VPS13C: variants seen among roughly 807,000 people sequenced by gnomAD.
VPS13C encodes the protein vacuolar protein sorting 13 homolog C.
Under a neutral mutation model 456.8 loss-of-function variants are expected in VPS13C, and 358 were observed. That is an observed-to-expected ratio of 0.78 (90% CI 0.72 to 0.86). The LOEUF (loss-of-function observed/expected upper bound fraction) is 0.86, where lower values mean the gene tolerates loss of function less well. Ranked by LOEUF, VPS13C falls within the 40% of genes least tolerant of loss-of-function variation. The probability of loss-of-function intolerance (pLI) is 0.00; values close to 1 mark genes in which losing one functional copy is unlikely to be tolerated. For missense variants in VPS13C, 4,818 were observed against 4,385.4 expected, an observed-to-expected ratio of 1.10 and a Z score of -2.79; for synonymous variants, 1,578 against 1,486.7, an observed-to-expected ratio of 1.06 and a Z score of -1.41.
intron 9 of VPS13C, among the ~76,000 whole-genome samples, chr15:62,015,960 C>CAA (rs67786303): frequency 2.2e-4 from 16 of 72,412 alleles, no homozygotes; most frequent in African/African-American, 5.9e-4. Context: ...AAAAGAAGTC[C>CAA]AAAAAAAAAA....
chr15:61,917,888 T>A (rs1327723206), intron 59 of VPS13C, among the ~76,000 whole-genome samples: 1 of 151,916 alleles, frequency 6.6e-6, no homozygotes, highest in Non-Finnish European at 1.5e-5. Context: ...CTTAAAAAAA[T>A]TTTCATTTCA....
At chr15:61,943,086 G>C (rs1288656056) in intron 45 of VPS13C, among the ~76,000 whole-genome samples, 1 of 152,060 alleles carries the variant, frequency 6.6e-6, no homozygotes, top group Non-Finnish European at 1.5e-5. Flanking sequence ...TTTACAAAGA[G>C]AACTAGGAAA....
intron 66 of VPS13C, among the ~76,000 whole-genome samples, chr15:61,890,828 T>C (rs886406089): frequency 6.6e-6 from 1 of 152,070 alleles, no homozygotes; most frequent in Non-Finnish European, 1.5e-5. Context: ...GGGCAAATCA[T>C]CTGAGGTCAG....
At chr15:62,039,182 C>T (rs770120713) in intron 3 of VPS13C, among the ~76,000 whole-genome samples, 1 of 152,106 alleles carries the variant, frequency 6.6e-6, no homozygotes, top group Non-Finnish European at 1.5e-5. Flanking sequence ...CACAACCAAA[C>T]TAAGTGTCCA....
chr15:62,051,916 C>T (rs1240526749), intron 1 of VPS13C, among the ~76,000 whole-genome samples: 1 of 152,266 alleles, frequency 6.6e-6, no homozygotes, highest in Middle Eastern at 3.4e-3. Context: ...TGATTTAGAA[C>T]TATTTGGGAC....
At position 61,915,766 on chromosome 15, in the gene VPS13C, G is replaced by C; in HGVS notation, c.8312C>G (p.Pro2771Arg). Residue 2771 changes from proline (P) to arginine (R), a missense_variant, in exon 61 of 85, where the codon CCC (proline) becomes CGC (arginine). Transcript: ENST00000644861. ...GGTAGTCTTGTTGATTAACCAATAG[G>C]GACTAAAGACAGACAGCACCATCCG... ...GSRMVLSVFS[P>R]YWLINKTTRV... 2 of 1,614,064 alleles carry C rather than the reference G, an allele frequency of 1.2e-6. No individual in the cohort carries two copies. The highest frequency in any genetic ancestry group is 2.2e-5 in the South Asian group (2 of 91,068).
chr15:62,003,118 C>T (rs542076086), intron 15 of VPS13C, among the ~76,000 whole-genome samples: 339 of 152,198 alleles, frequency 2.2e-3, no homozygotes, highest in African/African-American at 8.0e-3. Context: ...GCAGTATGGC[C>T]ATTTTCATGA....
chr15:61,915,743 T>C lies in VPS13C; in HGVS notation c.8335A>G (p.Thr2779Ala), dbSNP rs1278823592. Residue 2779 changes from threonine to alanine, a missense_variant, in exon 61 of 85, where the codon ACC (threonine) becomes GCC (alanine). Transcript: ENST00000644861. ...TCTGAACGATACTGGAGAACCCGGG[T>C]AGTCTTGTTGATTAACCAATAGGGA... is the stretch of plus-strand genomic sequence containing the variant. Reference protein sequence around the residue: ...FSPYWLINKTTRVLQYRSEDI... With the variant: ...FSPYWLINKTARVLQYRSEDI... 7.4e-6 allele frequency: 12 copies of C among 1,613,980 alleles called. No homozygotes were observed. The highest frequency in any genetic ancestry group is 1.0e-5 in the Non-Finnish European group (12 of 1,180,012).
In VPS13C at chr15:61,885,802, C is replaced by G. The variant is rs548951759; in HGVS notation, c.9342-1533G>C. Among the ~76,000 whole-genome samples, 11 of 152,162 alleles carry G rather than the reference C, an allele frequency of 7.2e-5. No homozygotes were observed. The South Asian group carries it at 2.3e-3, about 32-fold the overall frequency. ...TTCAGGTTGTACTGAATTAGTATTTCTTTCGCTGGTTTGAAAATATTCTCA... is the reference window on the plus strand; with the variant it reads ...TTCAGGTTGTACTGAATTAGTATTTGTTTCGCTGGTTTGAAAATATTCTCA... On this transcript the variant is annotated intron_variant, in intron 67 of 84. Transcript: ENST00000644861.
At chr15:61,990,927 C>G in intron 18 of VPS13C, 73 bp downstream of exon 18, 1 of 983,966 alleles carries the variant, frequency 1.0e-6, no homozygotes. Context: ...TTAAAAAAAT[C>G]AGTAAGTCTA....
At chr15:61,872,746 A>G (rs1404267356) in intron 78 of VPS13C, among the ~76,000 whole-genome samples, 4 of 152,092 alleles carry the variant, frequency 2.6e-5, no homozygotes, top group African/African-American at 9.7e-5. Flanking sequence ...ATAATGTTTT[A>G]TTTACTTATT....
rs1567110672 is a variant in VPS13C, at chr15:62,014,005, AG to A, written c.685-14del. The A allele has an allele frequency of 8.7e-6, 14 of 1,604,404 alleles. No homozygotes were observed. Among genetic ancestry groups the A allele is most frequent in the Non-Finnish European group, 1.2e-5 (14 of 1,174,180 alleles). ...GTTCATTTGCAGTCTAAAAGAAAAAAGGGAATACCTGTGAAACGTGGTATGG... is the reference window on the plus strand; with the variant it reads ...GTTCATTTGCAGTCTAAAAGAAAAAAGGAATACCTGTGAAACGTGGTATGG... On this transcript the variant is annotated splice_polypyrimidine_tract_variant and intron_variant, in intron 9 of 84. Transcript: ENST00000644861.
intron 67 of VPS13C, among the ~76,000 whole-genome samples, chr15:61,886,168 G>GTT (rs1896254860): frequency 6.6e-6 from 1 of 152,114 alleles, no homozygotes; most frequent in Non-Finnish European, 1.5e-5. Flanking sequence ...TAACAAGTAA[G>GTT]TCACTCAGAA....
In VPS13C at chr15:62,007,594, T is replaced by C; in HGVS notation, c.1119-115A>G. On this transcript the variant is annotated intron_variant, in intron 14 of 84. Coordinates refer to ENST00000644861, the MANE Select transcript of VPS13C (RefSeq NM_020821.3). ...AAATTTTTTGTTCTTCTTAACTGTCTTCCTATAAGAGCTCAGCAATTCCCA... is the reference window on the plus strand; with the variant it reads ...AAATTTTTTGTTCTTCTTAACTGTCCTCCTATAAGAGCTCAGCAATTCCCA... The C allele has an allele frequency of 4.8e-6, 4 of 837,214 alleles. 1 individual carries two copies. In the South Asian group the frequency reaches 1.3e-4, roughly 27 times the overall value. 51.9% of individuals were successfully genotyped at this position (837,214 alleles called of 1,614,324 possible). A position where few individuals can be genotyped will look rare whatever the true frequency, so the allele number is the denominator to read the frequency against.
intron 22 of VPS13C, 28 bp downstream of exon 22, chr15:61,981,314 G>A (rs776721895): frequency 1.3e-6 from 2 of 1,568,126 alleles, no homozygotes; most frequent in Admixed American, 3.9e-5. Flanking sequence ...TCAAAGATGG[G>A]CAGACAAAAA....
At chr15:61,978,380 G>C (rs963396586) in intron 23 of VPS13C, among the ~76,000 whole-genome samples, 3 of 152,074 alleles carry the variant, frequency 2.0e-5, no homozygotes, top group African/African-American at 7.2e-5. Context: ...AAAAACATAG[G>C]CTATGAATAG....
In VPS13C at chr15:61,927,273, G is replaced by A. The variant is rs1313749013; in HGVS notation, c.6334C>T (p.Pro2112Ser). The A allele has an allele frequency of 1.2e-5, 19 of 1,614,028 alleles. No homozygotes were observed. The highest frequency in any genetic ancestry group is 1.6e-5 in the Non-Finnish European group (19 of 1,180,020). The change falls in exon 52 of 85, where the codon CCA becomes TCA. Residue 2112 changes from proline to serine, a missense_variant. By Grantham distance (74) the Pro-to-Ser change is moderately conservative (BLOSUM62 -1). Transcript: ENST00000644861. ...AGGCTGGCAACAAATACCACTTCTG[G>A]ATCTGTGATCATGGCCTTTAAAGTC... The part of the protein sequence containing the change: ...NMTLKAMITD[P>S]EVVFVASLTK...
intron 52 of VPS13C, among the ~76,000 whole-genome samples, chr15:61,925,773 A>C (rs2043827139): frequency 6.6e-6 from 1 of 152,238 alleles, no homozygotes; most frequent in Non-Finnish European, 1.5e-5. Flanking sequence ...GTTCTGATGA[A>C]TTTCATCATG....
intron 52 of VPS13C, among the ~76,000 whole-genome samples, chr15:61,926,077 T>C (rs898168280): frequency 3.3e-5 from 5 of 152,150 alleles, no homozygotes; most frequent in Non-Finnish European, 1.5e-5. Context: ...AATGGAGCAA[T>C]TAGTACGGCA....
Sources: allele counts gnomAD v4.1 joint callset (sites outside exome capture counted in the v4.1 genomes callset), GRCh38; gene constraint gnomAD v4.1.1; transcripts MANE v1.5; gene names NCBI Gene and HGNC (gene_info 2026-07-23, HGNC 2026-07-21).